FNDC1: variants seen among roughly 807,000 people sequenced by gnomAD.
FNDC1 encodes the protein fibronectin type III domain-containing protein 1.
In FNDC1, 96 loss-of-function variants were observed where a neutral mutation model predicts 168.0. The observed-to-expected ratio is 0.57, with a 90% confidence interval of 0.48 to 0.68. The LOEUF is 0.68. Ranked by LOEUF, FNDC1 falls within the 30% of genes least tolerant of loss-of-function variation. FNDC1 has a pLI of 0.00. For missense variants in FNDC1, 2,587 were observed against 2,482.1 expected (o/e 1.04, Z -0.90); for synonymous variants, 1,099 against 1,025.9 (o/e 1.07, Z -1.36).
chr6:159,202,581 C>T (rs1475138664), intron 4 of FNDC1, among the ~76,000 whole-genome samples: 5 of 152,230 alleles, frequency 3.3e-5, no homozygotes, highest in African/African-American at 4.8e-5. Context: ...TCACATCCTT[C>T]CTGTGTTTTA....
At chr6:159,242,189 G>T (rs1783436663) in intron 14 of FNDC1, among the ~76,000 whole-genome samples, 1 of 152,174 alleles carries the variant, frequency 6.6e-6, no homozygotes, top group South Asian at 2.1e-4. Context: ...GCAGGGACAT[G>T]GATGGAGCTG....
intron 18 of FNDC1, among the ~76,000 whole-genome samples, chr6:159,260,650 G>A (rs1777462484): frequency 6.6e-6 from 1 of 152,214 alleles, no homozygotes; most frequent in Non-Finnish European, 1.5e-5. Context: ...CCTCCAGCCA[G>A]GTTCATCCTC....
intron 13 of FNDC1, among the ~76,000 whole-genome samples, 200 bp downstream of exon 13, chr6:159,238,865 C>T (rs2114999869): frequency 6.6e-6 from 1 of 152,294 alleles, no homozygotes; most frequent in African/African-American, 2.4e-5. Context: ...CAGGCTGCAC[C>T]CTCTAGAAAA....
intron 18 of FNDC1, among the ~76,000 whole-genome samples, chr6:159,257,752 A>G (rs1777405402): frequency 6.6e-6 from 1 of 152,234 alleles, no homozygotes; most frequent in Non-Finnish European, 1.5e-5. Flanking sequence ...ATTGTTATGA[A>G]TTTTGGGATT....
chr6:159,183,588 A>C (rs1781927423), intron 1 of FNDC1, among the ~76,000 whole-genome samples: 2 of 152,204 alleles, frequency 1.3e-5, no homozygotes, highest in African/African-American at 2.4e-5. Context: ...GGAGTGCAGT[A>C]GAGAAGAGGG....
Position 159,234,135 on chromosome 6 carries a change from C to T in FNDC1, c.3623C>T (p.Thr1208Ile), listed in dbSNP as rs1446065749. 8 of 1,601,784 alleles carry T rather than the reference C, an allele frequency of 5.0e-6. No homozygotes were observed. In the African/African-American group the frequency reaches 8.0e-5, roughly 16 times the overall value. The change falls in exon 11 of 23, where the codon ACT becomes ATT. Residue 1208 changes from threonine (T) to isoleucine (I), a missense_variant. Transcript: ENST00000297267. The part of the protein sequence containing the change: ...SSVPKWPSSS[T>I]PRGGKDADGS... ...GTGCCAAAGTGGCCCTCTTCCTCCACTCCCAGGGGCGGCAAAGACGCCGAT... is the reference window on the plus strand; with the variant it reads ...GTGCCAAAGTGGCCCTCTTCCTCCATTCCCAGGGGCGGCAAAGACGCCGAT...
intron 1 of FNDC1, among the ~76,000 whole-genome samples, chr6:159,185,952 T>TTA (rs781563303): frequency 2.0e-5 from 3 of 152,160 alleles, no homozygotes; most frequent in Admixed American, 6.5e-5. Flanking sequence ...TGTCAGACGG[T>TTA]TATATATTAG....
chr6:159,266,874 G>A (rs1777605911), intron 21 of FNDC1, among the ~76,000 whole-genome samples: 1 of 151,804 alleles, frequency 6.6e-6, no homozygotes, highest in Non-Finnish European at 1.5e-5. Context: ...TTTTATCATG[G>A]TGGGAGATTA....
chr6:159,219,785 A>G (rs1348836150), intron 5 of FNDC1, among the ~76,000 whole-genome samples: 1 of 152,180 alleles, frequency 6.6e-6, no homozygotes, highest in Non-Finnish European at 1.5e-5. Context: ...TACAAATTTC[A>G]GTTGTGGGAA....
chr6:159,248,084 C>T (rs1396562509), intron 15 of FNDC1, among the ~76,000 whole-genome samples: 2 of 152,164 alleles, frequency 1.3e-5, no homozygotes, highest in Non-Finnish European at 2.9e-5. Flanking sequence ...GGTTTAATCC[C>T]AAGGTTTTCA....
Position 159,232,790 on chromosome 6 carries a change from C to G in FNDC1, c.2278C>G (p.Arg760Gly), listed in dbSNP as rs199545417. 1.2e-6 allele frequency: 2 copies of G among 1,613,968 alleles called. No individual in the cohort carries two copies. The highest frequency in any genetic ancestry group is 1.6e-4 in the Middle Eastern group (1 of 6,062). The change falls in exon 11 of 23, where the codon CGG becomes GGG. Residue 760 changes from arginine to glycine, a missense_variant. Transcript: ENST00000297267. This position sits in a 1 kb window ranked among gnomAD's most constrained non-coding sequence, Gnocchi z 4.9. ...AGCCACCAACTCCAATGCGCCATCA[C>G]GGTCCACCATGTCCTCCTCCGTCTC... Reference protein sequence around the residue: ...APATNSNAPSRSTMSSSVSSH... With the variant: ...APATNSNAPSGSTMSSSVSSH...
At chr6:159,271,171 AC>A in intron 22 of FNDC1, among the ~76,000 whole-genome samples, 155 bp from the exon 23 acceptor site, 1 of 152,298 alleles carries the variant, frequency 6.6e-6, no homozygotes, top group South Asian at 2.1e-4. Context: ...GGCTATGGCA[AC>A]CACACACAAA....
chr6:159,251,304 C>T lies in FNDC1; in HGVS notation c.4837C>T (p.Pro1613Ser). ...TGGTTATCTCTGTTCTTTTCCAGCT[C>T]CTTACGTGACGTACCTAAATAAAGA... ...DLAGRKRFVA[P>S]YVTYLNKDPS... Residue 1613 changes from proline (P) to serine (S), a missense_variant and splice_region_variant, in exon 17 of 23, where the codon CCT (proline) becomes TCT (serine). Physicochemically the swap from Pro to Ser is moderately conservative, Grantham distance 74. Transcript: ENST00000297267. 1 of 1,612,606 alleles carries T rather than the reference C, an allele frequency of 6.2e-7. No individual in the cohort carries two copies. The highest frequency in any genetic ancestry group is 1.1e-5 in the South Asian group (1 of 90,900).
intron 18 of FNDC1, among the ~76,000 whole-genome samples, chr6:159,258,287 G>C (rs539763681): frequency 6.6e-6 from 1 of 152,266 alleles, no homozygotes; most frequent in African/African-American, 2.4e-5. Flanking sequence ...GGTAGAAGAG[G>C]CAGATTTTTT....
At chr6:159,203,187 C>T (rs1046983115) in intron 4 of FNDC1, among the ~76,000 whole-genome samples, 1 of 152,214 alleles carries the variant, frequency 6.6e-6, no homozygotes, top group Admixed American at 6.5e-5. Context: ...AATATGCTCA[C>T]ATGTGAGATA....
intron 17 of FNDC1, among the ~76,000 whole-genome samples, chr6:159,254,192 T>C (rs1156669086): frequency 1.3e-5 from 2 of 152,220 alleles, no homozygotes; most frequent in Non-Finnish European, 2.9e-5. Flanking sequence ...GATCTTTTCC[T>C]TCTTCTTAAC....
chr6:159,232,123 G>A lies in FNDC1; in HGVS notation c.1611G>A (p.Ser537=), dbSNP rs769951961. The A allele has an allele frequency of 6.7e-5, 108 of 1,613,764 alleles. No individual in the cohort carries two copies. The highest frequency in any genetic ancestry group is 8.6e-5 in the Non-Finnish European group (101 of 1,179,880). ...AGGCAGAGGAGCTGGATCTTCAGTC[G>A]ACAGAAATCACTGGGGAGGAGGAGC... ...AKKAEELDLQ[S]TEITGEEELG... Residue 537 remains serine, a synonymous_variant, in exon 11 of 23, where the codon TCG becomes TCA. Transcript: ENST00000297267. The surrounding 1 kb of genome is among the most constrained non-coding windows in gnomAD (Gnocchi z 4.9).
intron 1 of FNDC1, among the ~76,000 whole-genome samples, chr6:159,183,693 T>C (rs975275440): frequency 6.6e-6 from 1 of 152,080 alleles, no homozygotes; most frequent in Non-Finnish European, 1.5e-5. Flanking sequence ...TGACCAATGA[T>C]GTGGAAGAGA....
rs369327273 is a variant in FNDC1 at position 159,200,036 on chromosome 6, C to T, written c.345C>T (p.Asn115=). 1.9e-6 allele frequency: 3 copies of T among 1,606,528 alleles called. No homozygotes were observed. The African/African-American group carries it at 4.0e-5, about 21-fold the overall frequency. The stretch of plus-strand genomic sequence containing the variant: ...ACTTTGTGCTGCTTACTGCAGAAAA[C>T]CACAGTGGAGTGAGCCGTCCTGTTT... ...VVYFVLLTAE[N]HSGVSRPVYR... The change falls in exon 3 of 23, where the codon AAC becomes AAT. Residue 115 remains asparagine (N), a synonymous_variant. Transcript: ENST00000297267.
Sources: gnomAD v4.1 joint callset for allele counts (sites outside exome capture counted in the v4.1 genomes callset) on GRCh38, gnomAD v4.1.1 for gene constraint, Gnocchi (gnomAD v3.1) non-coding constraint, MANE v1.5 for transcripts, NCBI Gene and HGNC (gene_info 2026-07-23, HGNC 2026-07-21) for gene names.